ZC3HAV1: variants seen among roughly 807,000 people sequenced by gnomAD.
ZC3HAV1 encodes zinc finger CCCH-type antiviral protein 1.
ZC3HAV1 carries 41 observed loss-of-function variants against 86.6 expected under a neutral mutation model. That is an observed-to-expected ratio of 0.47 (90% CI 0.37 to 0.61). The LOEUF is 0.61. Among genes scored for constraint, ZC3HAV1 ranks in the 20% least tolerant of loss-of-function variants. The pLI is 0.00. For missense variants in ZC3HAV1, 964 were observed against 1,141.1 expected (o/e 0.84, Z 2.24); for synonymous variants, 421 against 432.1 (o/e 0.97, Z 0.32).
At chr7:139,103,239 T>G (rs1180607303) in intron 1 of ZC3HAV1, among the ~76,000 whole-genome samples, 1 of 149,700 alleles carries the variant, frequency 6.7e-6, no homozygotes, top group African/African-American at 2.4e-5. Context: ...TATTTTTTAT[T>G]TATTTTACTT....
At position 139,076,333 on chromosome 7, in the gene ZC3HAV1, C is replaced by A. The variant is rs1408323488; in HGVS notation, c.1650G>T (p.Glu550Asp). 6.2e-7 allele frequency: 1 copy of A among 1,614,188 alleles called. No homozygotes were observed. Among genetic ancestry groups the A allele is most frequent in the East Asian group, 2.2e-5 (1 of 44,886 alleles). Residue 550 changes from glutamate (E) to aspartate (D), a missense_variant, in exon 6 of 13, where the codon GAG becomes GAT. Glu to Asp is a conservative substitution (Grantham distance 45, BLOSUM62 2). Transcript: ENST00000242351. ...MLIGKTWTDF[E>D]HMETIEKGYC... is the part of the protein sequence containing the mutation. ...AGCCTTTCTCGATCGTCTCCATGTG[C>A]TCAAAGTCCGTCCAGGTTTTACCAA... is the stretch of plus-strand genomic sequence containing the variant.
intron 6 of ZC3HAV1, among the ~76,000 whole-genome samples, chr7:139,074,950 T>G (rs1008585758): frequency 6.6e-6 from 1 of 152,190 alleles, no homozygotes; most frequent in African/African-American, 2.4e-5. Context: ...ACCAAAAAGT[T>G]TGAGAATTGC....
Position 139,057,631 on chromosome 7 carries a change from C to T in ZC3HAV1, c.2097-2336G>A, listed in dbSNP as rs1198020920. Among the ~76,000 whole-genome samples, 4 of 80,200 alleles carry T rather than the reference C, an allele frequency of 5.0e-5. 1 individual carries two copies. The highest frequency in any genetic ancestry group is 3.5e-4 in the Admixed American group (3 of 8,512). 52.6% of individuals were successfully genotyped at this position (80,200 alleles called of 152,430 possible). Reference sequence around the variant, plus strand: ...TCGGCTCACTGCAAGCTCCGCCTCCCGGGTTCACGCCATTCTCCTGCCTCA... The same window carrying T: ...TCGGCTCACTGCAAGCTCCGCCTCCTGGGTTCACGCCATTCTCCTGCCTCA... On this transcript the variant is annotated intron_variant, in intron 9 of 12. Coordinates refer to ENST00000242351, the MANE Select transcript of ZC3HAV1 (RefSeq NM_020119.4).
intron 1 of ZC3HAV1, among the ~76,000 whole-genome samples, chr7:139,097,428 A>ATTTTTTTTTTTTTT (rs11291842): frequency 6.6e-4 from 32 of 48,158 alleles, no homozygotes; most frequent in African/African-American, 2.2e-3. Context: ...ATATATATAT[A>ATTTTTTTTTTTTTT]TTTTTTTTTT....
Position 139,064,852 on chromosome 7 carries a change from A to C in ZC3HAV1, c.1993+27T>G, listed in dbSNP as rs777402122. The C allele has an allele frequency of 5.0e-6, 8 of 1,613,838 alleles. No homozygotes were observed. In the Admixed American group the frequency reaches 1.2e-4, roughly 24 times the overall value. On this transcript the variant is annotated intron_variant, in intron 8 of 12. Transcript: ENST00000242351. ...CACTGCAGGCGGATTTCAATGACACACAACACTGCCAAACACAGAAACCCA... is the reference window on the plus strand; with the variant it reads ...CACTGCAGGCGGATTTCAATGACACCCAACACTGCCAAACACAGAAACCCA...
chr7:139,052,894 C>T (rs1266266698), intron 12 of ZC3HAV1, among the ~76,000 whole-genome samples: 3 of 150,126 alleles, frequency 2.0e-5, no homozygotes, highest in Non-Finnish European at 3.0e-5. Flanking sequence ...GTCACCCAAA[C>T]TGGGTGACAA....
In ZC3HAV1 at chr7:139,069,125, C is replaced by T. The variant is rs116251879; in HGVS notation, c.1873-4126G>A. On this transcript the variant is annotated intron_variant, in intron 7 of 12. Transcript: ENST00000242351. ...GCCCCAGTTCTTTGGCAATCCTAAGCTACAGTTGCCCCATACTCTTAAGTG... is the reference window on the plus strand; with the variant it reads ...GCCCCAGTTCTTTGGCAATCCTAAGTTACAGTTGCCCCATACTCTTAAGTG... Among the ~76,000 whole-genome samples the T allele has an allele frequency of 1.5e-3, 233 of 152,288 alleles. 1 individual carries two copies. Among genetic ancestry groups the T allele is most frequent in the African/African-American group, 5.2e-3 (215 of 41,564 alleles).
chr7:139,049,284 G>T (rs1199690976), intron 12 of ZC3HAV1, among the ~76,000 whole-genome samples: 1 of 151,812 alleles, frequency 6.6e-6, no homozygotes, highest in Non-Finnish European at 1.5e-5. Context: ...CATTCTAATC[G>T]GTGCGAGGCA....
intron 2 of ZC3HAV1, among the ~76,000 whole-genome samples, chr7:139,087,154 A>G (rs1040235901): frequency 6.6e-6 from 1 of 152,180 alleles, no homozygotes; most frequent in Non-Finnish European, 1.5e-5. Context: ...ACCTTCTCTC[A>G]AGTGCCATGA....
chr7:139,101,118 G>T (rs367698002), intron 1 of ZC3HAV1, among the ~76,000 whole-genome samples: 3 of 152,068 alleles, frequency 2.0e-5, no homozygotes, highest in Non-Finnish European at 2.9e-5. Flanking sequence ...GTGCCGGGAT[G>T]GCAGACGGGG....
intron 9 of ZC3HAV1, 114 bp from the exon 10 acceptor site, chr7:139,055,409 A>G: frequency 1.3e-6 from 1 of 770,392 alleles, no homozygotes; most frequent in South Asian, 2.0e-5. Context: ...CACAATATTT[A>G]TTTCTGTATT....
rs191783327 is a variant in ZC3HAV1 at position 139,094,368 on chromosome 7, A to G, written c.309-4609T>C. Among the ~76,000 whole-genome samples, 393 of 152,296 alleles carry G rather than the reference A, an allele frequency of 2.6e-3. 2 individuals carry two copies. The highest frequency in any genetic ancestry group is 3.9e-3 in the Non-Finnish European group (263 of 68,024). On this transcript the variant is annotated intron_variant, in intron 1 of 12. Coordinates refer to ENST00000242351, the MANE Select transcript of ZC3HAV1 (RefSeq NM_020119.4). ...CTGTGGGAACTCCCCTCTCGCCAGTACAAAAAGAGCTCTCCTACTAATTAT... is the reference window on the plus strand; with the variant it reads ...CTGTGGGAACTCCCCTCTCGCCAGTGCAAAAAGAGCTCTCCTACTAATTAT...
At position 139,054,102 on chromosome 7, in the gene ZC3HAV1, A is replaced by C; in HGVS notation, c.2188-7T>G. 6.4e-7 allele frequency: 1 copy of C among 1,563,810 alleles called. No individual in the cohort carries two copies. Among genetic ancestry groups the C allele is most frequent in the African/African-American group, 1.4e-5 (1 of 71,456 alleles). On this transcript the variant is annotated splice_polypyrimidine_tract_variant and splice_region_variant and intron_variant, in intron 10 of 12. Transcript: ENST00000242351. Reference sequence around the variant, plus strand: ...GGTGATGGATCTCTGACAACTAATAAAGTTTAAAAATAGATAAATGTGAAA... The same window carrying C: ...GGTGATGGATCTCTGACAACTAATACAGTTTAAAAATAGATAAATGTGAAA...
In ZC3HAV1 at chr7:139,109,422, C is replaced by T; in HGVS notation, c.-91G>A. On this transcript the variant is annotated 5_prime_UTR_variant, in exon 1 of 13. Coordinates refer to ENST00000242351, the MANE Select transcript of ZC3HAV1 (RefSeq NM_020119.4). ...ACTTACAAGTGTCCAGGGGCGGGCG[C>T]GGGCGGTGCTACTGCTGGGCGCGCC... The T allele has an allele frequency of 7.0e-7, 1 of 1,421,542 alleles. No individual in the cohort carries two copies. Among genetic ancestry groups the T allele is most frequent in the Non-Finnish European group, 9.2e-7 (1 of 1,086,752 alleles). 88.1% of individuals were successfully genotyped at this position (1,421,542 alleles called of 1,614,324 possible).
chr7:139,090,928 C>T (rs1300789260), intron 1 of ZC3HAV1, among the ~76,000 whole-genome samples: 2 of 152,168 alleles, frequency 1.3e-5, no homozygotes, highest in Non-Finnish European at 2.9e-5. Context: ...TGTACCTTGC[C>T]TCCTGGAGAA....
At chr7:139,073,256 G>A (rs1584853504) in intron 7 of ZC3HAV1, among the ~76,000 whole-genome samples, 1 of 151,750 alleles carries the variant, frequency 6.6e-6, no homozygotes, top group South Asian at 2.1e-4. Flanking sequence ...CCAAGATAAC[G>A]CCATTGCACT....
At chr7:139,053,255 A>G (rs1215527895) in intron 12 of ZC3HAV1, among the ~76,000 whole-genome samples, 196 bp downstream of exon 12, 1 of 152,198 alleles carries the variant, frequency 6.6e-6, no homozygotes, top group Non-Finnish European at 1.5e-5. Flanking sequence ...ACTAAGGTCC[A>G]GCAATCAAGC....
intron 7 of ZC3HAV1, among the ~76,000 whole-genome samples, chr7:139,071,447 C>A (rs773128217): frequency 7.9e-5 from 12 of 152,104 alleles, no homozygotes; most frequent in Non-Finnish European, 1.6e-4. Context: ...TGTTTGCCAA[C>A]CCTTCCCCTT....
At position 139,079,730 on chromosome 7, in the gene ZC3HAV1, C is replaced by T. The variant is rs1817068500; in HGVS notation, c.1211G>A (p.Gly404Asp). The T allele has an allele frequency of 6.2e-7, 1 of 1,614,184 alleles. No individual in the cohort carries two copies. Among genetic ancestry groups the T allele is most frequent in the East Asian group, 2.2e-5 (1 of 44,884 alleles). Residue 404 changes from glycine to aspartate, a missense_variant, in exon 4 of 13, where the codon GGC becomes GAC. Coordinates refer to ENST00000242351, the MANE Select transcript of ZC3HAV1 (RefSeq NM_020119.4). The part of the protein sequence containing the change: ...PEAVTTRKGT[G>D]LLSSDYRIIN... ...GATCCTGTAGTCTGAGGAAAGCAAG[C>T]CTGTGCCCTTTCTGGTGGTCACAGC...
Sources: allele counts gnomAD v4.1 joint callset (sites outside exome capture counted in the v4.1 genomes callset), GRCh38; gene constraint gnomAD v4.1.1; transcripts MANE v1.5; gene names NCBI Gene and HGNC (gene_info 2026-07-23, HGNC 2026-07-21).